CBL: variants seen among roughly 807,000 people sequenced by gnomAD.
The protein encoded by CBL is E3 ubiquitin-protein ligase CBL.
In CBL, 45 loss-of-function variants were observed where a neutral mutation model predicts 96.9. The ratio of observed to expected loss-of-function variants is 0.46; its 90% CI spans 0.37 to 0.60. The LOEUF is 0.60. Among genes scored for constraint, CBL ranks in the 20% least tolerant of loss-of-function variants. The probability of loss-of-function intolerance (pLI) is 0.00; values close to 1 mark genes in which losing one functional copy is unlikely to be tolerated. For synonymous variants in CBL, 420 were observed against 426.8 expected (o/e 0.98, Z 0.20); for missense variants, 1,024 against 1,143.5 (o/e 0.90, Z 1.51).
intron 2 of CBL, among the ~76,000 whole-genome samples, chr11:119,238,538 G>A (rs910032906): frequency 2.0e-5 from 3 of 151,948 alleles, no homozygotes; most frequent in Admixed American, 6.6e-5. Flanking sequence ...TTATCAAAAA[G>A]AGCAGCAGGG....
Position 119,305,316 on chromosome 11 carries a change from C to T in CBL, c.*5535C>T, listed in dbSNP as rs563608701. The stretch of plus-strand genomic sequence containing the variant: ...TGTCCTGTTCCAGAGCTAGCCTGTT[C>T]CTGGGTAGCCTTCCTTAGCCTCCAT... On this transcript the variant is annotated 3_prime_UTR_variant, in exon 16 of 16. Coordinates refer to ENST00000264033, the MANE Select transcript of CBL (RefSeq NM_005188.4). The T allele has an allele frequency of 4.3e-6, 1 of 232,162 alleles. No homozygotes were observed. Among genetic ancestry groups the T allele is most frequent in the East Asian group, 6.1e-5 (1 of 16,460 alleles). 14.4% of individuals were successfully genotyped at this position (232,162 alleles called of 1,614,324 possible). A position where few individuals can be genotyped will look rare whatever the true frequency, so the allele number is the denominator to read the frequency against.
intron 12 of CBL, 81 bp from the exon 13 acceptor site, chr11:119,296,837 T>A: frequency 2.6e-6 from 2 of 754,888 alleles, no homozygotes; most frequent in South Asian, 2.8e-5. Flanking sequence ...GAGTTATGTC[T>A]GTTTTTAAGC....
intron 9 of CBL, 133 bp from the exon 10 acceptor site, chr11:119,284,836 G>T: frequency 9.5e-7 from 1 of 1,054,360 alleles, no homozygotes; most frequent in South Asian, 1.3e-5. Context: ...GGGTGTGTGC[G>T]ACCTCAAACC....
intron 2 of CBL, among the ~76,000 whole-genome samples, chr11:119,262,753 T>C (rs919954106): frequency 6.6e-6 from 1 of 152,210 alleles, no homozygotes; most frequent in African/African-American, 2.4e-5. Flanking sequence ...TGATGGAACC[T>C]GTGAAAAACT....
At chr11:119,278,121 A>G (rs1949903284) in intron 7 of CBL, 45 bp from the exon 8 acceptor site, 8 of 1,409,020 alleles carry the variant, frequency 5.7e-6, no homozygotes, top group Non-Finnish European at 8.0e-6. Flanking sequence ...TTATAATTGC[A>G]GTTATTTATT....
At chr11:119,245,716 C>G (rs1228951119) in intron 2 of CBL, among the ~76,000 whole-genome samples, 1 of 151,918 alleles carries the variant, frequency 6.6e-6, no homozygotes, top group Non-Finnish European at 1.5e-5. Context: ...GTGCCAAGAG[C>G]AAAACTCCGT....
At position 119,273,854 on chromosome 11, in the gene CBL, C is replaced by CA. The variant is rs769731615; in HGVS notation, c.591-13dup. 6.2e-7 allele frequency: 1 copy of CA among 1,612,380 alleles called. No individual in the cohort carries two copies. Among genetic ancestry groups the CA allele is most frequent in the Non-Finnish European group, 8.5e-7 (1 of 1,178,488 alleles). ...GTTATTTCACTTTATGCCTCCTCTC[C>CA]ACCCCCTCCCCAGGACAATAGTCCC... On this transcript the variant is annotated splice_polypyrimidine_tract_variant and intron_variant, in intron 3 of 15. Coordinates refer to ENST00000264033, the MANE Select transcript of CBL (RefSeq NM_005188.4).
intron 1 of CBL, among the ~76,000 whole-genome samples, chr11:119,224,703 G>A (rs1008165682): frequency 1.3e-5 from 2 of 152,022 alleles, no homozygotes; most frequent in African/African-American, 4.8e-5. Flanking sequence ...CGATTCTCCT[G>A]CGTCAGCCTC....
Position 119,242,179 on chromosome 11 carries a change from G to A in CBL, c.443+9484G>A, listed in dbSNP as rs999294113. ...GCAAATAAGAAATAGATTGGGGATA[G>A]GTATGGTGTAATTCCTGTAATCCCA... On this transcript the variant is annotated intron_variant, in intron 2 of 15. Coordinates refer to ENST00000264033, the MANE Select transcript of CBL (RefSeq NM_005188.4). Among the ~76,000 whole-genome samples the A allele has an allele frequency of 3.9e-5, 6 of 152,092 alleles. 1 individual carries two copies. Among genetic ancestry groups the A allele is most frequent in the Admixed American group, 3.9e-4 (6 of 15,254 alleles).
chr11:119,282,021 C>T (rs1158662493), intron 9 of CBL, among the ~76,000 whole-genome samples: 1 of 152,094 alleles, frequency 6.6e-6, no homozygotes, highest in Non-Finnish European at 1.5e-5. Context: ...TCCACCTTTT[C>T]TGGAGCCTTA....
Position 119,276,286 on chromosome 11 carries a change from G to A in CBL, c.1007+152G>A, listed in dbSNP as rs569115742. 31 of 814,918 alleles carry A rather than the reference G, an allele frequency of 3.8e-5. 1 individual carries two copies. In the South Asian group the frequency reaches 4.3e-4, roughly 11 times the overall value. The allele number at this position is 814,918 out of a possible 1,614,324, so 50.5% of individuals were successfully genotyped here. A position where few individuals can be genotyped will look rare whatever the true frequency, so the allele number is the denominator to read the frequency against. On this transcript the variant is annotated intron_variant, in intron 6 of 15. Coordinates refer to ENST00000264033, the MANE Select transcript of CBL (RefSeq NM_005188.4). Reference sequence around the variant, plus strand: ...ATATTGATTTGACCTTCAGGTCCTGGAAGACTTTTGTTTTTCTTTTTTAGG... The same window carrying A: ...ATATTGATTTGACCTTCAGGTCCTGAAAGACTTTTGTTTTTCTTTTTTAGG...
rs749424087 is a variant in CBL, at chr11:119,299,492, TAG to T, written c.2435-1_2435del. ...CAAATATTTTCTTTCCTATTTCTTC[TAG>T]ATGTCACTGAAGGTTCCCAAGTTCC... On this transcript the variant is annotated splice_acceptor_variant, in intron 15 of 15. Coordinates refer to ENST00000264033, the MANE Select transcript of CBL (RefSeq NM_005188.4). LOFTEE classifies it high-confidence loss of function. 8 of 1,613,770 alleles carry T rather than the reference TAG, an allele frequency of 5.0e-6. No homozygotes were observed. In the Admixed American group the frequency reaches 1.3e-4, roughly 27 times the overall value.
At chr11:119,220,947 TAAA>T (rs993956776) in intron 1 of CBL, among the ~76,000 whole-genome samples, 4 of 151,640 alleles carry the variant, frequency 2.6e-5, no homozygotes, top group Non-Finnish European at 5.9e-5. Flanking sequence ...ATATGTTTGT[TAAA>T]AAAAAGTATA....
At chr11:119,251,761 G>A (rs780154839) in intron 2 of CBL, among the ~76,000 whole-genome samples, 9 of 152,050 alleles carry the variant, frequency 5.9e-5, no homozygotes, top group Non-Finnish European at 5.9e-5. Context: ...GTAAAACTAC[G>A]GTATTATAGA....
Position 119,307,553 on chromosome 11 carries a change from C to T in CBL, c.*7772C>T. ...TTCCCCAGGGAAGGGCAGCAAGGAA[C>T]ATGGGACCAGAAGCCTGTCCTCAGT... is the stretch of plus-strand genomic sequence containing the variant. On this transcript the variant is annotated 3_prime_UTR_variant, in exon 16 of 16. Transcript: ENST00000264033. The T allele has an allele frequency of 4.3e-6, 1 of 232,384 alleles. No homozygotes were observed. The highest frequency in any genetic ancestry group is 5.6e-5 in the Admixed American group (1 of 17,756). The allele number at this position is 232,384 out of a possible 1,614,324, so 14.4% of individuals were successfully genotyped here. A position where few individuals can be genotyped will look rare whatever the true frequency, so the allele number is the denominator to read the frequency against.
intron 2 of CBL, among the ~76,000 whole-genome samples, chr11:119,264,790 A>C (rs1949788639): frequency 6.6e-6 from 1 of 151,986 alleles, no homozygotes; most frequent in Non-Finnish European, 1.5e-5. Flanking sequence ...ACCTATAAGG[A>C]AATTTTTCGG....
At position 119,274,808 on chromosome 11, in the gene CBL, CTG is replaced by C. The variant is rs773513557; in HGVS notation, c.748-21_748-20del. 34 of 1,600,818 alleles carry C rather than the reference CTG, an allele frequency of 2.1e-5. 1 individual carries two copies. In the South Asian group the frequency reaches 3.0e-4, roughly 14 times the overall value. ...TGGTTGTACATCTGACCTGAATAGT[CTG>C]TGATTGATCTTGTTTCTTTAGCCCT... On this transcript the variant is annotated intron_variant, in intron 4 of 15. Transcript: ENST00000264033.
chr11:119,252,521 T>C (rs541184052), intron 2 of CBL, among the ~76,000 whole-genome samples: 2 of 152,296 alleles, frequency 1.3e-5, no homozygotes, highest in East Asian at 3.9e-4. Context: ...GTGCAGGGCT[T>C]TTTAGGCCTA....
chr11:119,222,138 T>TG (rs1452081506), intron 1 of CBL, among the ~76,000 whole-genome samples: 31 of 150,498 alleles, frequency 2.1e-4, no homozygotes, highest in African/African-American at 6.6e-4. Flanking sequence ...AAATGAGAAA[T>TG]GCTTGTATCA....
Sources: gnomAD v4.1 joint callset for allele counts (sites outside exome capture counted in the v4.1 genomes callset) on GRCh38, gnomAD v4.1.1 for gene constraint, MANE v1.5 for transcripts, NCBI Gene and HGNC (gene_info 2026-07-23, HGNC 2026-07-21) for gene names.